Variants in CTNNBL1 observed in about 807,000 individuals in gnomAD.
CTNNBL1 encodes the protein catenin beta like 1, also known as beta-catenin-like protein 1.
Under a neutral mutation model 72.7 loss-of-function variants are expected in CTNNBL1, and 31 were observed. That is an observed-to-expected ratio of 0.43 (90% CI 0.32 to 0.58). The LOEUF (loss-of-function observed/expected upper bound fraction) is 0.58, where lower values mean the gene tolerates loss of function less well. Among genes scored for constraint, CTNNBL1 ranks in the 20% least tolerant of loss-of-function variants. CTNNBL1 has a pLI of 0.08. For synonymous variants in CTNNBL1, 240 were observed against 267.3 expected (o/e 0.90, Z 1.00); for missense variants, 534 against 725.1 (o/e 0.74, Z 3.03).
At chr20:37,750,178 G>C (rs2073305726) in intron 4 of CTNNBL1, 1 of 152,244 alleles carries the variant, frequency 6.6e-6, no homozygotes, top group African/African-American at 2.4e-5. Flanking sequence ...CAGCTTCAGA[G>C]TTTATTCTGG....
In CTNNBL1 at chr20:37,787,343, G is replaced by GTTTT. The variant is rs11482375; in HGVS notation, c.1031+8024_1031+8027dup. Among the ~76,000 whole-genome samples, 62 of 107,176 alleles carry GTTTT rather than the reference G, an allele frequency of 5.8e-4. 3 individuals are homozygous for GTTTT. Among genetic ancestry groups the GTTTT allele is most frequent in the East Asian group, 8.1e-4 (3 of 3,692 alleles). 70.3% of individuals were successfully genotyped at this position (107,176 alleles called of 152,430 possible). A position where few individuals can be genotyped will look rare whatever the true frequency, so the allele number is the denominator to read the frequency against. On this transcript the variant is annotated intron_variant, in intron 10 of 15. Transcript: ENST00000361383. ...TCTTGTTAAAGACACATAACTGTGT[G>GTTTT]TTTTTTTTTTTTTTTTTTTGAGACG... is the stretch of plus-strand genomic sequence containing the variant.
At chr20:37,729,854 G>A (rs894331504) in intron 1 of CTNNBL1, among the ~76,000 whole-genome samples, 1 of 152,106 alleles carries the variant, frequency 6.6e-6, no homozygotes, top group Non-Finnish European at 1.5e-5. Flanking sequence ...TTACTGGCAT[G>A]TTGCTTTCCT....
chr20:37,858,719 G>T (rs756018246), intron 13 of CTNNBL1, among the ~76,000 whole-genome samples: 35 of 152,178 alleles, frequency 2.3e-4, no homozygotes, highest in Non-Finnish European at 4.4e-4. Flanking sequence ...GTAAAGCTGG[G>T]TTTTTTGTTT....
intron 1 of CTNNBL1, among the ~76,000 whole-genome samples, chr20:37,701,918 C>T (rs559334853): frequency 2.1e-5 from 3 of 142,672 alleles, no homozygotes; most frequent in Non-Finnish European, 3.0e-5. Context: ...AGATGTGTGG[C>T]GTAATACATT....
At chr20:37,711,746 CAT>C (rs1328209739) in intron 1 of CTNNBL1, among the ~76,000 whole-genome samples, 1 of 151,608 alleles carries the variant, frequency 6.6e-6, no homozygotes, top group East Asian at 1.9e-4. Context: ...AAGATCCAGA[CAT>C]ATGAAGAGCT....
At chr20:37,707,360 A>T (rs2072895139) in intron 1 of CTNNBL1, among the ~76,000 whole-genome samples, 1 of 152,312 alleles carries the variant, frequency 6.6e-6, no homozygotes, top group Admixed American at 6.5e-5. Flanking sequence ...TTCATCAATG[A>T]TCTTAGCTAA....
chr20:37,703,880 C>T (rs1026600665), intron 1 of CTNNBL1, among the ~76,000 whole-genome samples: 2 of 151,604 alleles, frequency 1.3e-5, no homozygotes, highest in Admixed American at 6.6e-5. Context: ...TGGGTTCAAG[C>T]GACTCTCCTG....
At position 37,694,048 on chromosome 20, in the gene CTNNBL1, G is replaced by C. The variant is rs1254828017; in HGVS notation, c.-75G>C. The C allele has an allele frequency of 6.5e-7, 1 of 1,530,262 alleles. No homozygotes were observed. Among genetic ancestry groups the C allele is most frequent in the African/African-American group, 1.4e-5 (1 of 72,696 alleles). 94.8% of individuals were successfully genotyped at this position (1,530,262 alleles called of 1,614,324 possible). On this transcript the variant is annotated 5_prime_UTR_variant, in exon 1 of 16. Transcript: ENST00000361383. ...GCTCGCCGCACTTTACGGCAGTGTG[G>C]CTGGAGCCGCGGCTGACGGGCCCGC...
chr20:37,750,169 A>G (rs1568763089), intron 4 of CTNNBL1: 1 of 152,216 alleles, frequency 6.6e-6, no homozygotes, highest in Non-Finnish European at 1.5e-5. Flanking sequence ...CGTGAGAAGC[A>G]GCTTCAGAGT....
intron 1 of CTNNBL1, among the ~76,000 whole-genome samples, chr20:37,713,407 G>T (rs1972278578): frequency 6.6e-6 from 1 of 152,146 alleles, no homozygotes; most frequent in African/African-American, 2.4e-5. Context: ...CTGATTCTGG[G>T]CTCCATGTTC....
chr20:37,835,464 G>A (rs779616651), intron 11 of CTNNBL1, among the ~76,000 whole-genome samples: 14 of 152,140 alleles, frequency 9.2e-5, no homozygotes, highest in East Asian at 1.9e-4. Context: ...CTACTGGGCT[G>A]TCACAATTAC....
chr20:37,801,458 C>T (rs1056281271), intron 10 of CTNNBL1, among the ~76,000 whole-genome samples: 3 of 152,116 alleles, frequency 2.0e-5, no homozygotes, highest in Non-Finnish European at 2.9e-5. Context: ...AAATTATGCT[C>T]CCTAGGGAAG....
intron 3 of CTNNBL1, among the ~76,000 whole-genome samples, chr20:37,738,175 C>G (rs148300533): frequency 1.3e-5 from 2 of 152,350 alleles, no homozygotes; most frequent in East Asian, 3.9e-4. Flanking sequence ...CTGTGGAGAT[C>G]ATTTCAGAGG....
At chr20:37,830,657 CA>C (rs1027105004) in intron 11 of CTNNBL1, among the ~76,000 whole-genome samples, 1 of 152,006 alleles carries the variant, frequency 6.6e-6, no homozygotes, top group African/African-American at 2.4e-5. Flanking sequence ...GGTTATGTCC[CA>C]AAAAACCCAT....
chr20:37,744,246 T>C (rs962617669), intron 3 of CTNNBL1, among the ~76,000 whole-genome samples: 1 of 152,196 alleles, frequency 6.6e-6, no homozygotes, highest in Non-Finnish European at 1.5e-5. Context: ...GAGGAGATAC[T>C]GTTTGTGAAG....
At chr20:37,813,104 G>C (rs6063617) in intron 11 of CTNNBL1, among the ~76,000 whole-genome samples, 53,125 of 152,086 alleles carry the variant, frequency 0.35, 9,705 homozygotes, top group Admixed American at 0.48. Flanking sequence ...TGAAAATGTT[G>C]GGGACGTGTT....
In CTNNBL1 at chr20:37,745,884, A is replaced by G. The variant is rs138770197; in HGVS notation, c.327-584A>G. 7.2e-4 allele frequency among the ~76,000 whole-genome samples: 109 copies of G among 152,338 alleles called. No homozygotes were observed. In the East Asian group the frequency reaches 0.02, roughly 28 times the overall value. On this transcript the variant is annotated intron_variant, in intron 3 of 15. Coordinates refer to ENST00000361383, the MANE Select transcript of CTNNBL1 (RefSeq NM_030877.5). ...TTTGTTGAAAGGTTCAGGTATAGAA[A>G]TGTGAGTAAAGTATCATGCTGTGTA... is the stretch of plus-strand genomic sequence containing the variant.
At chr20:37,751,107 T>C (rs887147848) in intron 4 of CTNNBL1, 2 of 152,060 alleles carry the variant, frequency 1.3e-5, no homozygotes, top group African/African-American at 4.8e-5. Context: ...TGGCTGCCCA[T>C]GTAGTCACTA....
intron 6 of CTNNBL1, among the ~76,000 whole-genome samples, chr20:37,766,832 G>T (rs915111815): frequency 6.6e-6 from 1 of 152,162 alleles, no homozygotes; most frequent in South Asian, 2.1e-4. Flanking sequence ...GATTTTGTTC[G>T]AGTGAACAAT....
Sources: gnomAD v4.1 joint callset for allele counts (sites outside exome capture counted in the v4.1 genomes callset) on GRCh38, gnomAD v4.1.1 for gene constraint, MANE v1.5 for transcripts, NCBI Gene and HGNC (gene_info 2026-07-23, HGNC 2026-07-21) for gene names.